TMEM51: variants seen among roughly 807,000 people sequenced by gnomAD.
TMEM51 encodes transmembrane protein 51.
A neutral mutation model predicts 13.6 loss-of-function variants in TMEM51; 8 were observed. The observed-to-expected ratio is 0.59, with a 90% CI of 0.35 to 1.07. The LOEUF (loss-of-function observed/expected upper bound fraction) is 1.07, where lower values mean the gene tolerates loss of function less well. Ranked by LOEUF, TMEM51 falls within the 50% of genes least tolerant of loss-of-function variation. The probability of loss-of-function intolerance (pLI) is 0.02; values close to 1 mark genes in which losing one functional copy is unlikely to be tolerated. For missense variants in TMEM51, 279 were observed against 330.7 expected (o/e 0.84, Z 1.21); for synonymous variants, 147 against 144.4 (o/e 1.02, Z -0.13).
intron 1 of TMEM51, chr1:15,171,458 A>G (rs6689923): frequency 0.77 from 519,769 of 674,496 alleles, 204,289 homozygotes; most frequent in East Asian, 0.96. Flanking sequence ...GGAGAAGTCT[A>G]CAGCCAGCCG....
chr1:15,216,544 T>G (rs1557861026), intron 3 of TMEM51, among the ~76,000 whole-genome samples: 2 of 152,200 alleles, frequency 1.3e-5, no homozygotes, highest in African/African-American at 4.8e-5. Flanking sequence ...AAATGTTGAC[T>G]GATAGAAACT....
Position 15,206,658 on chromosome 1 carries a change from C to T in TMEM51, c.-266-3832C>T, listed in dbSNP as rs372711569. On this transcript the variant is annotated intron_variant, in intron 1 of 3. Transcript: ENST00000376008. ...TGAGGATCGGGTGAGTTTAGGAATG[C>T]ACCTGATTCATGCTGAGTATCAGCT... 1.7e-3 allele frequency among the ~76,000 whole-genome samples: 255 copies of T among 147,580 alleles called. 1 individual carries two copies. Among genetic ancestry groups the T allele is most frequent in the African/African-American group, 5.8e-3 (240 of 41,274 alleles).
At chr1:15,156,735 CAAACA>C (rs563843398) in intron 1 of TMEM51, among the ~76,000 whole-genome samples, 51 of 152,288 alleles carry the variant, frequency 3.3e-4, no homozygotes, top group Middle Eastern at 6.8e-3. Context: ...TCTCATTTGA[CAAACA>C]AAACTCAGAG....
At chr1:15,166,222 A>G (rs1250742911) in intron 1 of TMEM51, among the ~76,000 whole-genome samples, 1 of 152,198 alleles carries the variant, frequency 6.6e-6, no homozygotes, top group Non-Finnish European at 1.5e-5. Flanking sequence ...GAAGACCCAT[A>G]GGCTTGTTAT....
chr1:15,214,041 C>T (rs1027744153), intron 2 of TMEM51, among the ~76,000 whole-genome samples: 16 of 133,660 alleles, frequency 1.2e-4, no homozygotes, highest in Admixed American at 8.8e-4. Flanking sequence ...TTAGTAGAGA[C>T]GGGGTTTTAC....
rs147818640 is a variant in TMEM51, at chr1:15,219,654, G to A, written c.673G>A (p.Val225Ile). 8.7e-4 allele frequency: 1,412 copies of A among 1,613,954 alleles called. 2 individuals carry two copies. The highest frequency in any genetic ancestry group is 1.1e-3 in the Non-Finnish European group (1,280 of 1,180,030). ...DFRINLPDKN[V>I]PPPSIEPLTP... ...TAGGATCAACCTCCCAGACAAAAACGTCCCTCCTCCCTCGATAGAGCCTTT... is the reference window on the plus strand; with the variant it reads ...TAGGATCAACCTCCCAGACAAAAACATCCCTCCTCCCTCGATAGAGCCTTT... The change falls in exon 4 of 4, where the codon GTC becomes ATC. Residue 225 changes from valine to isoleucine, a missense_variant. Val to Ile is a conservative substitution (Grantham distance 29, BLOSUM62 3). Transcript: ENST00000376008.
chr1:15,178,807 C>T (rs1001187717), intron 1 of TMEM51, among the ~76,000 whole-genome samples: 3 of 152,172 alleles, frequency 2.0e-5, no homozygotes, highest in Non-Finnish European at 4.4e-5. Context: ...GGTCCCTTAG[C>T]GGAGAGTTTA....
intron 1 of TMEM51, among the ~76,000 whole-genome samples, chr1:15,196,091 T>C (rs1883756): frequency 0.73 from 110,288 of 152,022 alleles, 40,755 homozygotes; most frequent in East Asian, 0.96. Flanking sequence ...GACAATTGCA[T>C]GGCACTGCAT....
At chr1:15,200,528 A>C (rs1226971295) in intron 1 of TMEM51, among the ~76,000 whole-genome samples, 1 of 151,962 alleles carries the variant, frequency 6.6e-6, no homozygotes, top group Non-Finnish European at 1.5e-5. Context: ...AGGCCTCAGA[A>C]GGAACCAACC....
At chr1:15,155,865 C>A (rs1034628974) in intron 1 of TMEM51, among the ~76,000 whole-genome samples, 2 of 152,210 alleles carry the variant, frequency 1.3e-5, no homozygotes, top group African/African-American at 4.8e-5. Flanking sequence ...ACGTCCCTTT[C>A]ATTCAAGTTC....
At chr1:15,184,267 C>T (rs536415990) in intron 1 of TMEM51, among the ~76,000 whole-genome samples, 11 of 152,184 alleles carry the variant, frequency 7.2e-5, no homozygotes, top group Admixed American at 1.3e-4. Context: ...CCTCGTGATC[C>T]GCCCACCTCG....
intron 1 of TMEM51, among the ~76,000 whole-genome samples, chr1:15,166,491 C>T (rs1039537216): frequency 2.0e-5 from 3 of 152,024 alleles, no homozygotes; most frequent in Admixed American, 2.0e-4. Flanking sequence ...AGGCCAAGGC[C>T]GGTGGATCAC....
chr1:15,191,795 A>G (rs1421747997), intron 1 of TMEM51: 8 of 354,944 alleles, frequency 2.3e-5, no homozygotes, highest in South Asian at 1.8e-4. Flanking sequence ...TGTTGAGACA[A>G]TATTTTTGAG....
chr1:15,199,946 C>A (rs371888026), intron 1 of TMEM51, among the ~76,000 whole-genome samples: 2 of 152,030 alleles, frequency 1.3e-5, no homozygotes, highest in African/African-American at 4.8e-5. Flanking sequence ...TTAGCAATAC[C>A]GTGGAGGTTG....
chr1:15,213,486 C>G (rs1644373684), intron 2 of TMEM51, among the ~76,000 whole-genome samples: 1 of 152,180 alleles, frequency 6.6e-6, no homozygotes, highest in South Asian at 2.1e-4. Context: ...TGCAAAAGTT[C>G]CTGTCACAGG....
At chr1:15,190,805 T>C (rs1188033312) in intron 1 of TMEM51, among the ~76,000 whole-genome samples, 2 of 152,182 alleles carry the variant, frequency 1.3e-5, no homozygotes, top group Admixed American at 1.3e-4. Flanking sequence ...TTTTGTTTTT[T>C]GAGACAGAGT....
chr1:15,194,434 A>G (rs1171433126), intron 1 of TMEM51, among the ~76,000 whole-genome samples: 2 of 152,204 alleles, frequency 1.3e-5, no homozygotes, highest in Admixed American at 6.5e-5. Flanking sequence ...CGCATTGTCC[A>G]TCAGTCCATT....
At chr1:15,166,813 C>G (rs1228061713) in intron 1 of TMEM51, among the ~76,000 whole-genome samples, 1 of 152,154 alleles carries the variant, frequency 6.6e-6, no homozygotes, top group Non-Finnish European at 1.5e-5. Context: ...AGTTTTGACT[C>G]ACAAGCAATC....
At chr1:15,170,647 C>A (rs1174171512) in intron 1 of TMEM51, among the ~76,000 whole-genome samples, 1 of 152,062 alleles carries the variant, frequency 6.6e-6, no homozygotes, top group East Asian at 1.9e-4. Context: ...AATTCTGGGA[C>A]ATTAAGCACA....
Sources: gnomAD v4.1 joint callset for allele counts (sites outside exome capture counted in the v4.1 genomes callset) on GRCh38, gnomAD v4.1.1 for gene constraint, MANE v1.5 for transcripts, NCBI Gene and HGNC (gene_info 2026-07-23, HGNC 2026-07-21) for gene names.